Variants in GNAI1 observed in about 807,000 individuals in gnomAD.
GNAI1 encodes the protein G protein subunit alpha i1.
Under a neutral mutation model 38.9 loss-of-function variants are expected in GNAI1, and 11 were observed. The ratio of observed to expected loss-of-function variants is 0.28; its 90% CI spans 0.18 to 0.47. The LOEUF is 0.47. Ranked by LOEUF, GNAI1 falls within the 20% of genes least tolerant of loss-of-function variation. GNAI1 has a pLI of 0.99. For missense variants in GNAI1, 317 were observed against 436.9 expected, an observed-to-expected ratio of 0.73 and a Z score of 2.45; for synonymous variants, 166 against 145.1, an observed-to-expected ratio of 1.14 and a Z score of -1.04.
At chr7:80,156,528 A>G (rs922978419) in intron 1 of GNAI1, among the ~76,000 whole-genome samples, 9 of 152,082 alleles carry the variant, frequency 5.9e-5, no homozygotes, top group African/African-American at 2.2e-4. Flanking sequence ...TCCTGACTCA[A>G]GTGATCTTCC....
intron 4 of GNAI1, among the ~76,000 whole-genome samples, chr7:80,201,901 T>C (rs1326809317): frequency 6.6e-6 from 1 of 152,210 alleles, no homozygotes; most frequent in African/African-American, 2.4e-5. Context: ...CTATGAGTTC[T>C]TGACTGGGGA....
At chr7:80,201,585 A>G (rs905955561) in intron 4 of GNAI1, among the ~76,000 whole-genome samples, 1 of 152,076 alleles carries the variant, frequency 6.6e-6, no homozygotes, top group Admixed American at 6.6e-5. Flanking sequence ...TTTAGCCAGC[A>G]TGGTGGCCCA....
intron 1 of GNAI1, among the ~76,000 whole-genome samples, chr7:80,157,480 A>G (rs1160247308): frequency 2.0e-5 from 3 of 152,168 alleles, no homozygotes; most frequent in African/African-American, 7.2e-5. Context: ...ATTTTTGGAT[A>G]ATATGGTAAG....
At chr7:80,179,635 G>A (rs527288315) in intron 1 of GNAI1, among the ~76,000 whole-genome samples, 2 of 152,114 alleles carry the variant, frequency 1.3e-5, no homozygotes, top group East Asian at 1.9e-4. Context: ...TTTCCCCTAC[G>A]TACAAGCTAA....
At chr7:80,196,540 C>T (rs59619406) in intron 3 of GNAI1, among the ~76,000 whole-genome samples, 34,142 of 151,872 alleles carry the variant, frequency 0.22, 5,246 homozygotes, top group African/African-American at 0.43. Context: ...TCATTCTGTG[C>T]TTTTAAAATT....
chr7:80,170,177 A>G (rs940172864), intron 1 of GNAI1, among the ~76,000 whole-genome samples: 1 of 152,196 alleles, frequency 6.6e-6, no homozygotes, highest in African/African-American at 2.4e-5. Context: ...TTGTGTATGT[A>G]TGTAGGATTG....
intron 1 of GNAI1, among the ~76,000 whole-genome samples, chr7:80,147,132 A>T (rs2116088488): frequency 6.6e-6 from 1 of 152,248 alleles, no homozygotes; most frequent in East Asian, 1.9e-4. Context: ...GGTCAGGCTG[A>T]AAGAGCCCCA....
intron 7 of GNAI1, 105 bp downstream of exon 7, chr7:80,212,974 TTC>T: frequency 1.3e-6 from 1 of 776,064 alleles, no homozygotes; most frequent in Non-Finnish European, 2.1e-6. Flanking sequence ...GGCTTAGTGA[TTC>T]TTAGACCTTT....
At chr7:80,135,809 GT>G (rs1787403713) in intron 1 of GNAI1, 3 of 985,362 alleles carry the variant, frequency 3.0e-6, no homozygotes, top group Non-Finnish European at 3.6e-6. Context: ...CGTCTTTCCT[GT>G]TAACTTCCTA....
chr7:80,168,463 C>T (rs1298202802), intron 1 of GNAI1, among the ~76,000 whole-genome samples: 1 of 152,186 alleles, frequency 6.6e-6, no homozygotes, highest in East Asian at 1.9e-4. Flanking sequence ...TCTCGGCTCA[C>T]TGCAAGCTCC....
intron 1 of GNAI1, among the ~76,000 whole-genome samples, chr7:80,139,981 T>C (rs951362321): frequency 1.5e-4 from 22 of 150,384 alleles, no homozygotes; most frequent in Non-Finnish European, 2.7e-4. Context: ...CCAATTTCTT[T>C]TTTTTTTTTT....
chr7:80,147,030 G>A (rs1198461202), intron 1 of GNAI1, among the ~76,000 whole-genome samples: 1 of 152,084 alleles, frequency 6.6e-6, no homozygotes, highest in African/African-American at 2.4e-5. Flanking sequence ...GCTTCCTTAG[G>A]AATGACCAAA....
chr7:80,144,769 G>T (rs926415568), intron 1 of GNAI1, among the ~76,000 whole-genome samples: 5 of 152,152 alleles, frequency 3.3e-5, no homozygotes, highest in African/African-American at 1.2e-4. Context: ...GAGTTAAACT[G>T]CCTTCTTATA....
At chr7:80,138,944 T>C (rs950572774) in intron 1 of GNAI1, among the ~76,000 whole-genome samples, 9 of 152,196 alleles carry the variant, frequency 5.9e-5, no homozygotes, top group African/African-American at 1.9e-4. Context: ...GCTGCATCAT[T>C]AATCTTCACT....
At position 80,223,559 on chromosome 7, in the gene GNAI1, C is replaced by T. The variant is rs565116384; in HGVS notation, c.*6066C>T. Among the ~76,000 whole-genome samples, 11 of 152,272 alleles carry T rather than the reference C, an allele frequency of 7.2e-5. No individual in the cohort carries two copies. In the East Asian group the frequency reaches 2.1e-3, roughly 29 times the overall value. On this transcript the variant is annotated 3_prime_UTR_variant, in exon 8 of 8. Transcript: ENST00000649796. Reference sequence around the variant, plus strand: ...TTAAGTCAAAGCTACTTCTAAACAGCTCTATCTTTAATTTCTATTAAATAG... The same window carrying T: ...TTAAGTCAAAGCTACTTCTAAACAGTTCTATCTTTAATTTCTATTAAATAG...
At chr7:80,200,975 T>C (rs1788677295) in intron 4 of GNAI1, among the ~76,000 whole-genome samples, 1 of 152,204 alleles carries the variant, frequency 6.6e-6, no homozygotes, top group South Asian at 2.1e-4. Flanking sequence ...GGTTATTTTG[T>C]TCCTGTTTAT....
intron 1 of GNAI1, among the ~76,000 whole-genome samples, chr7:80,152,547 C>A (rs1787746109): frequency 6.9e-6 from 1 of 144,970 alleles, no homozygotes; most frequent in Non-Finnish European, 1.5e-5. Flanking sequence ...GGGGTAGATT[C>A]GGTCTCAATT....
At position 80,225,288 on chromosome 7, in the gene GNAI1, A is replaced by C. The variant is rs1789140781; in HGVS notation, c.*7795A>C. 6.6e-6 allele frequency among the ~76,000 whole-genome samples: 1 copy of C among 152,232 alleles called. No individual in the cohort carries two copies. Reference sequence around the variant, plus strand: ...ATACACATTTTAAGATCTATACTCTAAAACAGGGTTTTGAAATTAGCAGCT... The same window carrying C: ...ATACACATTTTAAGATCTATACTCTCAAACAGGGTTTTGAAATTAGCAGCT... On this transcript the variant is annotated 3_prime_UTR_variant, in exon 8 of 8. Transcript: ENST00000649796.
intron 1 of GNAI1, among the ~76,000 whole-genome samples, chr7:80,182,254 A>ATTAT (rs1445500343): frequency 1.3e-5 from 2 of 152,174 alleles, no homozygotes; most frequent in East Asian, 3.9e-4. Context: ...CTCTTGACAG[A>ATTAT]TAATTTAGAT....
Sources: gnomAD v4.1 joint callset for allele counts (sites outside exome capture counted in the v4.1 genomes callset) on GRCh38, gnomAD v4.1.1 for gene constraint, MANE v1.5 for transcripts, NCBI Gene and HGNC (gene_info 2026-07-23, HGNC 2026-07-21) for gene names.